MYT1: variants seen among roughly 807,000 people sequenced by gnomAD.
The protein encoded by MYT1 is myelin transcription factor 1.
Under a neutral mutation model 123.0 loss-of-function variants are expected in MYT1, and 23 were observed. The observed-to-expected ratio is 0.19, with a 90% CI of 0.13 to 0.26. The LOEUF is 0.26. Ranked by LOEUF, MYT1 falls within the 10% of genes least tolerant of loss-of-function variation. The pLI is 1.00. For missense variants in MYT1, 1,125 were observed against 1,472.5 expected (o/e 0.76, Z 3.86); for synonymous variants, 518 against 575.3 (o/e 0.90, Z 1.43).
At chr20:64,187,915 C>T (rs940368202) in intron 1 of MYT1, among the ~76,000 whole-genome samples, 1 of 152,170 alleles carries the variant, frequency 6.6e-6, no homozygotes, top group Non-Finnish European at 1.5e-5. Context: ...CTCTTTTGCC[C>T]AGAGAAGCTC....
At chr20:64,205,508 G>A (rs778457424) in intron 5 of MYT1, 45 bp from the exon 6 acceptor site, 12 of 1,602,506 alleles carry the variant, frequency 7.5e-6, no homozygotes, top group African/African-American at 5.4e-5. Context: ...GAGGCCTCTC[G>A]TGGCCCTAGC....
chr20:64,185,717 G>T lies in MYT1; in HGVS notation c.-98-4346G>T, dbSNP rs1025792042. 6.6e-6 allele frequency among the ~76,000 whole-genome samples: 1 copy of T among 152,224 alleles called. No individual in the cohort carries two copies. Among genetic ancestry groups the T allele is most frequent in the Non-Finnish European group, 1.5e-5 (1 of 68,034 alleles). ...AGCATGAAAACAGCCACGGTCGCCC[G>T]CAGGGGGTCCCCCATGGGGTTGTGC... is the stretch of plus-strand genomic sequence containing the variant. On this transcript the variant is annotated intron_variant, in intron 1 of 22. Coordinates refer to ENST00000328439, the MANE Select transcript of MYT1 (RefSeq NM_004535.3). The surrounding 1 kb of genome is among the most constrained non-coding windows in gnomAD (Gnocchi z 4.5).
At chr20:64,234,267 G>A (rs1198831567) in intron 19 of MYT1, among the ~76,000 whole-genome samples, 1 of 152,178 alleles carries the variant, frequency 6.6e-6, no homozygotes, top group Non-Finnish European at 1.5e-5. Context: ...CCACAGCCTA[G>A]AGGGTATCTC....
At chr20:64,197,529 G>T (rs1479874320) in intron 2 of MYT1, among the ~76,000 whole-genome samples, 1 of 152,222 alleles carries the variant, frequency 6.6e-6, no homozygotes, top group Non-Finnish European at 1.5e-5. Context: ...TGGGACAGGT[G>T]TGGATTTGCT....
intron 4 of MYT1, among the ~76,000 whole-genome samples, chr20:64,201,328 C>T (rs976055832): frequency 6.6e-6 from 1 of 152,196 alleles, no homozygotes; most frequent in African/African-American, 2.4e-5. Context: ...GATTTTGACG[C>T]CCTCATCATG....
chr20:64,193,154 A>G lies in MYT1; in HGVS notation c.-1+2994A>G, dbSNP rs1414941107. On this transcript the variant is annotated intron_variant, in intron 2 of 22. Coordinates refer to ENST00000328439, the MANE Select transcript of MYT1 (RefSeq NM_004535.3). This position sits in a 1 kb window ranked among gnomAD's most constrained non-coding sequence, Gnocchi z 4.0. ...CAGACATGCAACAGGACATCACCCA[A>G]TGTGAGGACAGAACTATCTCTGCAA... Among the ~76,000 whole-genome samples, 1 of 152,202 alleles carries G rather than the reference A, an allele frequency of 6.6e-6. No homozygotes were observed. Among genetic ancestry groups the G allele is most frequent in the East Asian group, 1.9e-4 (1 of 5,198 alleles).
At position 64,208,142 on chromosome 20, in the gene MYT1, G is replaced by A. The variant is rs1351575581; in HGVS notation, c.946G>A (p.Asp316Asn). Residue 316 changes from aspartate (D) to asparagine (N), a missense_variant, in exon 7 of 23, where the codon GAC becomes AAC. Transcript: ENST00000328439. This position sits in a 1 kb window ranked among gnomAD's most constrained non-coding sequence, Gnocchi z 5.4. Reference protein sequence around the residue: ...EAAPDVIFQEDTSHTSAQKAP... With the variant: ...EAAPDVIFQENTSHTSAQKAP... ...AGCTCCTGATGTGATCTTTCAGGAAGACACCTCTCACACCTCTGCCCAGAA... is the reference window on the plus strand; with the variant it reads ...AGCTCCTGATGTGATCTTTCAGGAAAACACCTCTCACACCTCTGCCCAGAA... 1.9e-6 allele frequency: 3 copies of A among 1,612,980 alleles called. No homozygotes were observed. The highest frequency in any genetic ancestry group is 1.1e-5 in the South Asian group (1 of 91,038).
chr20:64,235,839 G>C (rs2075312596), intron 19 of MYT1, among the ~76,000 whole-genome samples: 2 of 128,038 alleles, frequency 1.6e-5, no homozygotes, highest in Admixed American at 7.5e-5. Context: ...TGGCTGTGGT[G>C]GGTGACCCTG....
At position 64,185,602 on chromosome 20, in the gene MYT1, A is replaced by C. The variant is rs1982776646; in HGVS notation, c.-98-4461A>C. The stretch of plus-strand genomic sequence containing the variant: ...GGTTGCCAGGGCTGGAGTGGATCAG[A>C]GCTAACTGCCACAGGGACTCCCATC... On this transcript the variant is annotated intron_variant, in intron 1 of 22. Transcript: ENST00000328439. This position sits in a 1 kb window ranked among gnomAD's most constrained non-coding sequence, Gnocchi z 4.5. Among the ~76,000 whole-genome samples, 1 of 152,194 alleles carries C rather than the reference A, an allele frequency of 6.6e-6. No homozygotes were observed. Among genetic ancestry groups the C allele is most frequent in the Non-Finnish European group, 1.5e-5 (1 of 68,028 alleles).
rs958832388 is a variant in MYT1 at position 64,202,502 on chromosome 20, A to G, written c.87-2533A>G. ...CGAGTTCAGGACCATCTCCAAGTTC[A>G]GAGAGAGAACACGTCTGTAGCTCAC... On this transcript the variant is annotated intron_variant, in intron 4 of 22. Coordinates refer to ENST00000328439, the MANE Select transcript of MYT1 (RefSeq NM_004535.3). The surrounding 1 kb of genome is among the most constrained non-coding windows in gnomAD (Gnocchi z 5.0). Among the ~76,000 whole-genome samples, 5 of 152,090 alleles carry G rather than the reference A, an allele frequency of 3.3e-5. No homozygotes were observed. The highest frequency in any genetic ancestry group is 1.2e-4 in the African/African-American group (5 of 41,416).
intron 10 of MYT1, among the ~76,000 whole-genome samples, chr20:64,215,028 C>T (rs1360629484): frequency 6.6e-6 from 1 of 152,240 alleles, no homozygotes; most frequent in Non-Finnish European, 1.5e-5. Flanking sequence ...CACACAGGCA[C>T]CTTCAGCCCT....
In MYT1 at chr20:64,237,409, C is replaced by G. The variant is rs375130356; in HGVS notation, c.3093+19C>G. On this transcript the variant is annotated intron_variant, in intron 21 of 22. Transcript: ENST00000328439. ...GTCCCAGGTAGGTGGTGCCGCCCCCCGCTCCTGGGCTCTTTGCCCACCCAA... is the reference window on the plus strand; with the variant it reads ...GTCCCAGGTAGGTGGTGCCGCCCCCGGCTCCTGGGCTCTTTGCCCACCCAA... The G allele has an allele frequency of 1.9e-4, 299 of 1,570,046 alleles. No homozygotes were observed. The highest frequency in any genetic ancestry group is 2.5e-4 in the Non-Finnish European group (294 of 1,153,230).
At chr20:64,173,312 AGGTGGGCTGTTGGACAG>A (rs1236318700) in intron 1 of MYT1, among the ~76,000 whole-genome samples, 1 of 152,112 alleles carries the variant, frequency 6.6e-6, no homozygotes, top group Non-Finnish European at 1.5e-5. Flanking sequence ...TCACAGACAG[AGGTGGGCTGTTGGACAG>A]GTGCGGCTGA....
chr20:64,183,963 G>T (rs1203647015), intron 1 of MYT1, among the ~76,000 whole-genome samples: 2 of 152,046 alleles, frequency 1.3e-5, no homozygotes, highest in African/African-American at 4.8e-5. Context: ...TGGGATTACA[G>T]ACACGCACCG....
intron 22 of MYT1, 26 bp from the exon 23 acceptor site, chr20:64,240,294 C>T (rs1258405119): frequency 1.2e-6 from 2 of 1,609,742 alleles, no homozygotes; most frequent in Non-Finnish European, 1.7e-6. Context: ...ATGGACGGAG[C>T]TTGCTAACCT....
intron 3 of MYT1, among the ~76,000 whole-genome samples, chr20:64,199,427 C>T (rs556535332): frequency 2.6e-5 from 4 of 152,320 alleles, no homozygotes; most frequent in South Asian, 2.1e-4. Flanking sequence ...GTGCCTGCCC[C>T]GGTCAGAGCC....
intron 18 of MYT1, among the ~76,000 whole-genome samples, chr20:64,230,365 C>T (rs1266237708): frequency 1.3e-5 from 2 of 151,868 alleles, no homozygotes; most frequent in African/African-American, 2.4e-5. Flanking sequence ...ATACAAAAAT[C>T]AGCCGGGCGT....
chr20:64,211,021 G>C (rs1207005733), intron 7 of MYT1, among the ~76,000 whole-genome samples, 185 bp from the exon 8 acceptor site: 2 of 152,238 alleles, frequency 1.3e-5, no homozygotes, highest in Non-Finnish European at 2.9e-5. Context: ...CGCACAGGCA[G>C]CCAGTGTGGG....
rs571982155 is a variant in MYT1, at chr20:64,240,821, G to A, written c.*373G>A. On this transcript the variant is annotated 3_prime_UTR_variant, in exon 23 of 23. Transcript: ENST00000328439. Reference sequence around the variant, plus strand: ...GTCTGTCGAGGCTGGGAGGGTAGCCGTGAGCGTGGTGGGTGGGTGGTGTGA... The same window carrying A: ...GTCTGTCGAGGCTGGGAGGGTAGCCATGAGCGTGGTGGGTGGGTGGTGTGA... 1.0e-5 allele frequency: 2 copies of A among 191,662 alleles called. No individual in the cohort carries two copies. The highest frequency in any genetic ancestry group is 1.3e-4 in the South Asian group (1 of 7,414). 11.9% of individuals were successfully genotyped at this position (191,662 alleles called of 1,614,324 possible).
Sources: gnomAD v4.1 joint callset for allele counts (sites outside exome capture counted in the v4.1 genomes callset) on GRCh38, gnomAD v4.1.1 for gene constraint, Gnocchi (gnomAD v3.1) non-coding constraint, MANE v1.5 for transcripts, NCBI Gene and HGNC (gene_info 2026-07-23, HGNC 2026-07-21) for gene names.